Variants in CCDC15 observed in about 807,000 individuals in gnomAD.
CCDC15 encodes the protein coiled-coil domain containing 15.
CCDC15 carries 105 observed loss-of-function variants against 114.5 expected under a neutral mutation model. The ratio of observed to expected loss-of-function variants is 0.92; its 90% CI spans 0.78 to 1.08. The LOEUF (loss-of-function observed/expected upper bound fraction) is 1.08, where lower values mean the gene tolerates loss of function less well. Ranked by LOEUF, CCDC15 falls within the 50% of genes least tolerant of loss-of-function variation. CCDC15 has a pLI of 0.00. For synonymous variants in CCDC15, 334 were observed against 377.8 expected, an observed-to-expected ratio of 0.88 and a Z score of 1.34; for missense variants, 1,105 against 1,093.6, an observed-to-expected ratio of 1.01 and a Z score of -0.15.
rs1398631580 is a variant in CCDC15, at chr11:125,039,217, G to A, written c.2734+148G>A. The A allele has an allele frequency of 1.0e-5, 6 of 587,396 alleles. No homozygotes were observed. In the Admixed American group the frequency reaches 2.3e-4, roughly 23 times the overall value. The allele number at this position is 587,396 out of a possible 1,614,324, so 36.4% of individuals were successfully genotyped here. ...TTACAAAATAACTATATGAGGCAGT[G>A]AAAAAATTATAATGAGTTATATTTC... is the stretch of plus-strand genomic sequence containing the variant. On this transcript the variant is annotated intron_variant, in intron 15 of 15. Coordinates refer to ENST00000344762, the MANE Select transcript of CCDC15 (RefSeq NM_025004.3).
intron 13 of CCDC15, among the ~76,000 whole-genome samples, chr11:125,035,924 T>G (rs558265935): frequency 2.0e-5 from 3 of 152,080 alleles, no homozygotes; most frequent in African/African-American, 4.8e-5. Context: ...CTACTTATAT[T>G]TTATTGTACT....
At chr11:124,962,502 C>T (rs1212353998) in intron 4 of CCDC15, among the ~76,000 whole-genome samples, 3 of 152,226 alleles carry the variant, frequency 2.0e-5, no homozygotes, top group Non-Finnish European at 2.9e-5. Context: ...GTATCCATAT[C>T]TGTCCATGGT....
In CCDC15 at chr11:124,987,704, T is replaced by C; in HGVS notation, c.1478T>C (p.Ile493Thr). The change falls in exon 8 of 16, where the codon ATT becomes ACT. Residue 493 changes from isoleucine to threonine, a missense_variant. Physicochemically the swap from Ile to Thr is moderately conservative, Grantham distance 89. Coordinates refer to ENST00000344762, the MANE Select transcript of CCDC15 (RefSeq NM_025004.3). ...CATGTTCTCCCCAAAGACCAAGATA[T>C]TCTGCCAAAATATCAGGACCAGAAT... ...DQHVLPKDQD[I>T]LPKYQDQNFL... The C allele has an allele frequency of 6.2e-7, 1 of 1,613,982 alleles. No individual in the cohort carries two copies. The highest frequency in any genetic ancestry group is 8.5e-7 in the Non-Finnish European group (1 of 1,179,882).
chr11:124,971,966 C>T (rs1288025357), intron 4 of CCDC15, among the ~76,000 whole-genome samples: 5 of 152,114 alleles, frequency 3.3e-5, no homozygotes, highest in Non-Finnish European at 7.3e-5. Context: ...CCCGTCCTCT[C>T]TTTATAGTTA....
At chr11:124,996,614 C>T (rs1417506980) in intron 11 of CCDC15, among the ~76,000 whole-genome samples, 3 of 152,202 alleles carry the variant, frequency 2.0e-5, no homozygotes, top group Non-Finnish European at 4.4e-5. Flanking sequence ...AGTACACTCA[C>T]ATTGTTGTGC....
chr11:125,009,660 C>T (rs1163454606), intron 13 of CCDC15, among the ~76,000 whole-genome samples: 2 of 152,044 alleles, frequency 1.3e-5, no homozygotes, highest in Non-Finnish European at 2.9e-5. Context: ...CTCCCCTATC[C>T]CTCCCTCTAG....
chr11:125,023,273 A>G (rs947127784), intron 13 of CCDC15, among the ~76,000 whole-genome samples: 1 of 151,994 alleles, frequency 6.6e-6, no homozygotes, highest in Non-Finnish European at 1.5e-5. Flanking sequence ...TGTTTGTCAC[A>G]AATCAGTTGT....
At chr11:125,000,028 AT>A (rs1296938564) in intron 11 of CCDC15, among the ~76,000 whole-genome samples, 4 of 150,812 alleles carry the variant, frequency 2.7e-5, no homozygotes, top group Admixed American at 1.3e-4. Context: ...CGCCTGGCTA[AT>A]TTTTTTTATT....
intron 13 of CCDC15, among the ~76,000 whole-genome samples, chr11:125,014,785 C>G (rs1045152035): frequency 3.3e-5 from 5 of 152,114 alleles, no homozygotes; most frequent in Non-Finnish European, 7.4e-5. Context: ...ATATCTTATA[C>G]AGTTAAACAT....
At chr11:124,999,224 T>C (rs944852798) in intron 11 of CCDC15, among the ~76,000 whole-genome samples, 1 of 152,214 alleles carries the variant, frequency 6.6e-6, no homozygotes, top group Non-Finnish European at 1.5e-5. Context: ...AGCAGTTTAA[T>C]TATGATGTGT....
intron 13 of CCDC15, among the ~76,000 whole-genome samples, chr11:125,017,762 G>C (rs1397302580): frequency 6.6e-6 from 1 of 152,032 alleles, no homozygotes; most frequent in Admixed American, 6.6e-5. Flanking sequence ...GGTGGCAGAA[G>C]ACAATAATAT....
At chr11:124,994,111 C>G (rs1182588105) in intron 11 of CCDC15, among the ~76,000 whole-genome samples, 3 of 152,164 alleles carry the variant, frequency 2.0e-5, no homozygotes, top group Non-Finnish European at 2.9e-5. Context: ...CTGTGATACC[C>G]CTGCTCACAC....
At chr11:124,994,114 G>T (rs1410108292) in intron 11 of CCDC15, among the ~76,000 whole-genome samples, 1 of 152,172 alleles carries the variant, frequency 6.6e-6, no homozygotes, top group African/African-American at 2.4e-5. Flanking sequence ...TGATACCCCT[G>T]CTCACACAAT....
intron 13 of CCDC15, among the ~76,000 whole-genome samples, chr11:125,021,721 G>A (rs907213773): frequency 6.6e-6 from 1 of 151,742 alleles, no homozygotes; most frequent in Admixed American, 6.6e-5. Context: ...GAGGGACGGG[G>A]CTGACTCCGT....
intron 13 of CCDC15, among the ~76,000 whole-genome samples, chr11:125,008,364 A>G (rs1392669878): frequency 1.3e-5 from 2 of 152,190 alleles, no homozygotes; most frequent in Non-Finnish European, 2.9e-5. Context: ...TGACTTTTGT[A>G]TATTAAACTT....
chr11:125,038,343 G>C, intron 13 of CCDC15, 88 bp from the exon 14 acceptor site: 1 of 881,262 alleles, frequency 1.1e-6, no homozygotes, highest in South Asian at 2.8e-5. Flanking sequence ...TTAGTTTCTG[G>C]GAATTTCTGG....
chr11:124,989,335 A>G (rs1948231070), intron 8 of CCDC15, among the ~76,000 whole-genome samples: 1 of 152,208 alleles, frequency 6.6e-6, no homozygotes, highest in African/African-American at 2.4e-5. Context: ...TCTGTAAAAC[A>G]TGCTGTAAAC....
chr11:125,031,924 A>T (rs557141015), intron 13 of CCDC15, among the ~76,000 whole-genome samples: 2 of 152,328 alleles, frequency 1.3e-5, no homozygotes, highest in East Asian at 3.9e-4. Flanking sequence ...AAATAGGCCC[A>T]CTAGGCATTG....
chr11:124,986,667 CTGTGTGTGTGTG>C, intron 6 of CCDC15, 63 bp from the exon 7 acceptor site: 1 of 1,089,538 alleles, frequency 9.2e-7, no homozygotes, highest in Non-Finnish European at 1.2e-6. Context: ...CTACATGGTG[CTGTGTGTGTGTG>C]TGTGTGTGTG....
Sources: gnomAD v4.1 joint callset for allele counts (sites outside exome capture counted in the v4.1 genomes callset) on GRCh38, gnomAD v4.1.1 for gene constraint, MANE v1.5 for transcripts, NCBI Gene and HGNC (gene_info 2026-07-23, HGNC 2026-07-21) for gene names.